The following SYVN1 variants were observed in gnomAD, a reference collection of about 807,000 sequenced individuals.
The protein encoded by SYVN1 is E3 ubiquitin-protein ligase synoviolin.
In SYVN1, 17 loss-of-function variants were observed where a neutral mutation model predicts 62.6. That is an observed-to-expected ratio of 0.27 (90% CI 0.19 to 0.41). The LOEUF is 0.41. Among genes scored for constraint, SYVN1 ranks in the 10% least tolerant of loss-of-function variants. SYVN1 has a pLI of 1.00. For synonymous variants in SYVN1, 316 were observed against 304.0 expected (o/e 1.04, Z -0.41); for missense variants, 634 against 818.0 (o/e 0.78, Z 2.74).
intron 1 of SYVN1, chr11:65,134,106 C>G (rs1948216552): frequency 6.5e-6 from 1 of 153,910 alleles, no homozygotes. Context: ...GACGCCCGCC[C>G]TGCGGGAGCG....
chr11:65,128,797 GA>G, intron 14 of SYVN1, 83 bp from the exon 15 acceptor site: 2 of 1,402,598 alleles, frequency 1.4e-6, no homozygotes, highest in Non-Finnish European at 1.9e-6. Context: ...GAGCCTTGCA[GA>G]ACAGAGTATA....
chr11:65,133,126 C>T (rs372393201), intron 3 of SYVN1, 34 bp downstream of exon 3: 47 of 1,614,028 alleles, frequency 2.9e-5, no homozygotes, highest in Non-Finnish European at 3.9e-5. Flanking sequence ...TTCCCAGCAC[C>T]CTGCCCTCAC....
At chr11:65,133,427 T>TTCCCTCCCAGGGAGTTCC in intron 2 of SYVN1, 43 bp downstream of exon 2, 1 of 1,606,076 alleles carries the variant, frequency 6.2e-7, no homozygotes, top group Non-Finnish European at 8.5e-7. Context: ...AGACTCCTCC[T>TTCCCTCCCAGGGAGTTCC]TCCCTCCCAG....
intron 6 of SYVN1, 131 bp from the exon 7 acceptor site, chr11:65,131,727 C>T: frequency 9.5e-7 from 1 of 1,052,180 alleles, no homozygotes; most frequent in Non-Finnish European, 1.4e-6. Context: ...CCAGGGTCCT[C>T]CTAGCCCCTC....
rs1194124344 is a variant in SYVN1, at chr11:65,131,459, G to A, written c.658+11C>T. On this transcript the variant is annotated intron_variant, in intron 7 of 15. Transcript: ENST00000377190. ...CTGGTCCAGATCAGGAGAGGCCCAG[G>A]CCCCTCTCACCTGTAAACAGCTCTG... 3.7e-6 allele frequency: 6 copies of A among 1,613,940 alleles called. No homozygotes were observed. The highest frequency in any genetic ancestry group is 3.3e-5 in the South Asian group (3 of 91,092).
intron 6 of SYVN1, among the ~76,000 whole-genome samples, chr11:65,132,002 G>A (rs779573298): frequency 3.9e-5 from 6 of 152,104 alleles, no homozygotes; most frequent in Non-Finnish European, 2.9e-5. Flanking sequence ...GCTCCGGCAC[G>A]AGCCTCCAGG....
Position 65,129,726 on chromosome 11 carries a change from C to T in SYVN1, c.1595+3G>A. The T allele has an allele frequency of 1.2e-6, 2 of 1,614,020 alleles. No individual in the cohort carries two copies. Among genetic ancestry groups the T allele is most frequent in the Non-Finnish European group, 1.7e-6 (2 of 1,179,882 alleles). On this transcript the variant is annotated splice_donor_region_variant and intron_variant, in intron 14 of 15. Transcript: ENST00000377190. The stretch of plus-strand genomic sequence containing the variant: ...CCACTCTGCTTCCCCTGTACAGACA[C>T]ACCCCAAGGAGGCCAGCACGGTGAG...
Position 65,133,080 on chromosome 11 carries a change from G to A in SYVN1, c.226-6C>T, listed in dbSNP as rs1948201671. 3.7e-6 allele frequency: 6 copies of A among 1,614,196 alleles called. No homozygotes were observed. The highest frequency in any genetic ancestry group is 5.1e-6 in the Non-Finnish European group (6 of 1,180,028). On this transcript the variant is annotated splice_region_variant and splice_polypyrimidine_tract_variant and intron_variant, in intron 3 of 15. Coordinates refer to ENST00000377190, the MANE Select transcript of SYVN1 (RefSeq NM_172230.3). ...CAGGAACGTTCCAGAAGGTGCTGGG[G>A]GCCAGGCAGGGAATAATGTGGATAC...
chr11:65,131,716 C>A (rs1948183062), intron 6 of SYVN1, 120 bp from the exon 7 acceptor site: 1 of 1,244,736 alleles, frequency 8.0e-7, no homozygotes, highest in African/African-American at 1.5e-5. Flanking sequence ...TCTAGACACA[C>A]CCAGGGTCCT....
chr11:65,128,778 G>C, intron 14 of SYVN1, 64 bp from the exon 15 acceptor site: 4 of 1,488,660 alleles, frequency 2.7e-6, no homozygotes, highest in Non-Finnish European at 3.6e-6. Flanking sequence ...AGATTCTCCT[G>C]CCCTTGGTGA....
rs564874192 is a variant in SYVN1, at chr11:65,129,667, A to G, written c.1595+62T>C. On this transcript the variant is annotated intron_variant, in intron 14 of 15. Coordinates refer to ENST00000377190, the MANE Select transcript of SYVN1 (RefSeq NM_172230.3). Reference sequence around the variant, plus strand: ...CAAAGGCCAAGAACCACTGCTGGGGACCTCTTGGCAGCTCCACTCCTGACC... The same window carrying G: ...CAAAGGCCAAGAACCACTGCTGGGGGCCTCTTGGCAGCTCCACTCCTGACC... The G allele has an allele frequency of 1.3e-5, 20 of 1,525,632 alleles. No individual in the cohort carries two copies. The East Asian group carries it at 4.5e-4, about 35-fold the overall frequency. 94.5% of individuals were successfully genotyped at this position (1,525,632 alleles called of 1,614,324 possible). A position where few individuals can be genotyped will look rare whatever the true frequency, so the allele number is the denominator to read the frequency against.
chr11:65,129,910 G>C lies in SYVN1; in HGVS notation c.1414C>G (p.Pro472Ala). Residue 472 changes from proline to alanine, a missense_variant, in exon 14 of 16, where the codon CCC becomes GCC. Pro to Ala is a conservative substitution (Grantham distance 27, BLOSUM62 -1). Around this residue, in one of 2 missense-constraint regions of SYVN1, gnomAD observed 351 missense variants for 373.3 expected, o/e 0.94. Transcript: ENST00000377190. ...CCCGCAGGGGGCACAGGCATTGGGG[G>C]GAAGGCTGGAGAGAGAGAGGCTCAG... ...GMPLPPPFAF[P>A]PMPVPPAGFA... 6.2e-7 allele frequency: 1 copy of C among 1,613,418 alleles called. No individual in the cohort carries two copies. Among genetic ancestry groups the C allele is most frequent in the Non-Finnish European group, 8.5e-7 (1 of 1,179,634 alleles).
intron 2 of SYVN1, 37 bp downstream of exon 2, chr11:65,133,433 C>T: frequency 6.2e-7 from 1 of 1,608,588 alleles, no homozygotes; most frequent in Non-Finnish European, 8.5e-7. Flanking sequence ...CTCCTTCCCT[C>T]CCAGGGAGTT....
chr11:65,133,871 C>A (rs908448026), intron 1 of SYVN1, among the ~76,000 whole-genome samples: 1 of 152,254 alleles, frequency 6.6e-6, no homozygotes, highest in African/African-American at 2.4e-5. Flanking sequence ...ACGCTGCCTG[C>A]CAAGCCGCCT....
chr11:65,133,628 G>C lies in SYVN1; in HGVS notation c.-17-10C>G. 1 of 1,601,374 alleles carries C rather than the reference G, an allele frequency of 6.2e-7. No individual in the cohort carries two copies. The highest frequency in any genetic ancestry group is 8.5e-7 in the Non-Finnish European group (1 of 1,177,470). On this transcript the variant is annotated splice_polypyrimidine_tract_variant and intron_variant, in intron 1 of 15. Transcript: ENST00000377190. ...GCCCTGGCCCGGAGACCTGCATGGG[G>C]CAAGAAAATAACTTATGTGATGCTC...
chr11:65,129,093 A>C, intron 14 of SYVN1: 1 of 193,992 alleles, frequency 5.2e-6, no homozygotes, highest in Non-Finnish European at 1.1e-5. Context: ...CATTATGTAC[A>C]TGTCACTTTT....
intron 6 of SYVN1, among the ~76,000 whole-genome samples, chr11:65,131,827 T>C (rs757108237): frequency 2.6e-5 from 4 of 152,174 alleles, no homozygotes; most frequent in African/African-American, 4.8e-5. Flanking sequence ...TATAACAGTA[T>C]TGTCTTGCTG....
rs764394139 is a variant in SYVN1 at position 65,130,229 on chromosome 11, G to A, written c.1234+22C>T. 7 of 1,609,404 alleles carry A rather than the reference G, an allele frequency of 4.3e-6. No individual in the cohort carries two copies. The Admixed American group carries it at 1.2e-4, about 27-fold the overall frequency. ...GTTCCATCCCTGCCGCCCCCTGGCT[G>A]TCACAGTACCCAAAGGCTCACCTGC... On this transcript the variant is annotated intron_variant, in intron 12 of 15. Coordinates refer to ENST00000377190, the MANE Select transcript of SYVN1 (RefSeq NM_172230.3).
At position 65,131,119 on chromosome 11, in the gene SYVN1, C is replaced by T; in HGVS notation, c.824+13G>A. On this transcript the variant is annotated intron_variant, in intron 9 of 15. Transcript: ENST00000377190. ...ACCGAGCTTGGGACAGCAGCCATGA[C>T]AAGCCTACTTACAGGGTGTTCATGT... 1.9e-6 allele frequency: 3 copies of T among 1,614,202 alleles called. No homozygotes were observed. Among genetic ancestry groups the T allele is most frequent in the Non-Finnish European group, 2.5e-6 (3 of 1,180,018 alleles).
Sources: allele counts gnomAD v4.1 joint callset (sites outside exome capture counted in the v4.1 genomes callset), GRCh38; gene constraint gnomAD v4.1.1; regional missense constraint gnomAD v4.1.1; transcripts MANE v1.5; gene names NCBI Gene and HGNC (gene_info 2026-07-23, HGNC 2026-07-21).